PTCHD1: variants seen among roughly 807,000 people sequenced by gnomAD.
PTCHD1 encodes patched domain-containing protein 1.
A neutral mutation model predicts 34.6 loss-of-function variants in PTCHD1; 3 were observed. That is an observed-to-expected ratio of 0.09 (90% confidence interval 0.04 to 0.22). The LOEUF is 0.22. PTCHD1 is among the 10% of genes least tolerant of loss of function. The pLI, the probability that PTCHD1 is intolerant of heterozygous loss-of-function variation, is 1.00. For synonymous variants in PTCHD1, 305 were observed against 283.1 expected, an observed-to-expected ratio of 1.08 and a Z score of -0.77; for missense variants, 504 against 685.5, an observed-to-expected ratio of 0.74 and a Z score of 2.96.
intron 1 of PTCHD1, among the ~76,000 whole-genome samples, chrX:23,376,547 A>G (rs1331910678): frequency 8.9e-6 from 1 of 112,427 alleles, no homozygotes; most frequent in Admixed American, 9.4e-5. Flanking sequence ...GTAGATGTTC[A>G]GGTAGCATGC....
chrX:23,342,296 ATATATATATATATATTTTT>A (rs1169429589), intron 1 of PTCHD1, among the ~76,000 whole-genome samples: 24 of 13,131 alleles, frequency 1.8e-3, no homozygotes, highest in African/African-American at 9.0e-3. Context: ...ATATATATAT[ATATATATATATATATTTTT>A]TTTTTTTTTT....
chrX:23,377,016 C>T (rs1276048158), intron 1 of PTCHD1, among the ~76,000 whole-genome samples: 1 of 111,987 alleles, frequency 8.9e-6, no homozygotes, highest in African/African-American at 3.3e-5. Flanking sequence ...GTCCTGGGGT[C>T]ATAGCAGTAG....
rs1290048558 is a variant in PTCHD1 at position 23,361,801 on chromosome X, C to T, written c.352-17790C>T. The stretch of plus-strand genomic sequence containing the variant: ...AGTGGCTGGTACCGTTTGTTCCTTT[C>T]CATGTTTAGTGCTTCCTTCAGGAGC... On this transcript the variant is annotated intron_variant, in intron 1 of 2. Transcript: ENST00000379361. Among the ~76,000 whole-genome samples the T allele has an allele frequency of 2.7e-5, 3 of 112,005 alleles. No homozygotes were observed. In the East Asian group the frequency reaches 8.3e-4, roughly 31 times the overall value.
rs766523879 is a variant in PTCHD1 at position 23,393,123 on chromosome X, G to A, written c.1605G>A (p.Ala535=). ...GSDLSNIVAT[A]TQTIEYTTAQ... ...ACCTTAGTAACATTGTAGCAACCGCGACACAAACCATTGAGTACACTACTG... is the reference window on the plus strand; with the variant it reads ...ACCTTAGTAACATTGTAGCAACCGCAACACAAACCATTGAGTACACTACTG... Residue 535 remains alanine, a synonymous_variant, in exon 3 of 3, where the codon GCG becomes GCA. Transcript: ENST00000379361. 1.3e-5 allele frequency: 16 copies of A among 1,209,493 alleles called. No homozygotes were observed. The highest frequency in any genetic ancestry group is 1.3e-4 in the Admixed American group (6 of 45,758).
intron 1 of PTCHD1, among the ~76,000 whole-genome samples, chrX:23,365,872 A>G (rs2063865118): frequency 8.9e-6 from 1 of 112,453 alleles, no homozygotes; most frequent in African/African-American, 3.2e-5. Context: ...ACTTAAAGCA[A>G]TTGGCCAGGA....
At chrX:23,372,184 T>G (rs898213366) in intron 1 of PTCHD1, among the ~76,000 whole-genome samples, 2 of 110,171 alleles carry the variant, frequency 1.8e-5, no homozygotes, top group African/African-American at 3.3e-5. Flanking sequence ...TACTAGTGTT[T>G]TTTTTTTTTT....
At chrX:23,380,649 G>A (rs1922538574) in intron 2 of PTCHD1, among the ~76,000 whole-genome samples, 1 of 111,590 alleles carries the variant, frequency 9.0e-6, no homozygotes, top group Non-Finnish European at 1.9e-5. Flanking sequence ...GAAGTTGAAG[G>A]CACTTCAGTT....
intron 2 of PTCHD1, among the ~76,000 whole-genome samples, chrX:23,388,069 G>A (rs1922729717): frequency 9.0e-6 from 1 of 110,741 alleles, no homozygotes; most frequent in African/African-American, 3.3e-5. Context: ...GTGATATATA[G>A]TCTTTTTACC....
At chrX:23,345,015 G>A (rs1921438278) in intron 1 of PTCHD1, among the ~76,000 whole-genome samples, 1 of 112,269 alleles carries the variant, frequency 8.9e-6, no homozygotes, top group African/African-American at 3.2e-5. Flanking sequence ...AATTGCCAGA[G>A]ATCAGGAGCA....
chrX:23,348,788 A>G lies in PTCHD1; in HGVS notation c.351+13562A>G, dbSNP rs764826284. Among the ~76,000 whole-genome samples the G allele has an allele frequency of 9.8e-5, 11 of 112,340 alleles. No individual in the cohort carries two copies. In the South Asian group the frequency reaches 4.0e-3, roughly 41 times the overall value. ...GCAGTGTTGTCCCGCAAAAAGTGTT[A>G]TAAGAAGTTGTTTAAGAAAAAGGAA... On this transcript the variant is annotated intron_variant, in intron 1 of 2. Coordinates refer to ENST00000379361, the MANE Select transcript of PTCHD1 (RefSeq NM_173495.3).
chrX:23,393,861 C>T lies in PTCHD1; in HGVS notation c.2343C>T (p.Phe781=). 8.3e-7 allele frequency: 1 copy of T among 1,211,334 alleles called. No homozygotes were observed. Among genetic ancestry groups the T allele is most frequent in the Non-Finnish European group, 1.1e-6 (1 of 895,180 alleles). ...MLSTFVLGKD[F]TRTKWVKNAL... ...CCACATTTGTTCTGGGCAAGGATTT[C>T]ACAAGAACTAAATGGGTAAAAAATG... The change falls in exon 3 of 3, where the codon TTC becomes TTT. Residue 781 remains phenylalanine (F), a synonymous_variant. Coordinates refer to ENST00000379361, the MANE Select transcript of PTCHD1 (RefSeq NM_173495.3).
chrX:23,377,577 T>G lies in PTCHD1; in HGVS notation c.352-2014T>G, dbSNP rs186609862. ...GGCTGTGAAAATAGCCTCCTAGGGG[T>G]GTGTGTGTGTGTGTGTGTGTGTGTG... On this transcript the variant is annotated intron_variant, in intron 1 of 2. Coordinates refer to ENST00000379361, the MANE Select transcript of PTCHD1 (RefSeq NM_173495.3). 9.5e-4 allele frequency among the ~76,000 whole-genome samples: 72 copies of G among 76,109 alleles called. No homozygotes were observed. The South Asian group carries it at 0.025, about 27-fold the overall frequency. 66.1% of individuals were successfully genotyped at this position (76,109 alleles called of 115,157 possible). A position where few individuals can be genotyped will look rare whatever the true frequency, so the allele number is the denominator to read the frequency against.
chrX:23,335,169 C>G lies in PTCHD1; in HGVS notation c.294C>G (p.Val98=). 8.3e-7 allele frequency: 1 copy of G among 1,212,041 alleles called. No individual in the cohort carries two copies. The highest frequency in any genetic ancestry group is 3.0e-5 in the East Asian group (1 of 33,802). The part of the protein sequence containing the change: ...QTPGRYGRVI[V]TSFQKANMLD... Reference sequence around the variant, plus strand: ...CCGGGCGCTACGGCCGGGTCATCGTCACCTCCTTCCAGAAAGCCAACATGC... The same window carrying G: ...CCGGGCGCTACGGCCGGGTCATCGTGACCTCCTTCCAGAAAGCCAACATGC... The change falls in exon 1 of 3, where the codon GTC becomes GTG. Residue 98 remains valine, a synonymous_variant. Coordinates refer to ENST00000379361, the MANE Select transcript of PTCHD1 (RefSeq NM_173495.3).
chrX:23,392,883 A>G lies in PTCHD1; in HGVS notation c.1365A>G (p.Ala455=). ...CTGAGGCATTGCAGGAGAAGCCGGC[A>G]TGGTACAGGTTTCTCCTGACGGCCA... is the stretch of plus-strand genomic sequence containing the variant. ...PKPEALQEKP[A]WYRFLLTARF... Residue 455 remains alanine, a synonymous_variant, in exon 3 of 3, where the codon GCA becomes GCG. Coordinates refer to ENST00000379361, the MANE Select transcript of PTCHD1 (RefSeq NM_173495.3). 8.2e-7 allele frequency: 1 copy of G among 1,212,292 alleles called. No homozygotes were observed. The highest frequency in any genetic ancestry group is 1.1e-6 in the Non-Finnish European group (1 of 895,566).
chrX:23,340,202 G>A (rs1243653455), intron 1 of PTCHD1, among the ~76,000 whole-genome samples: 1 of 112,345 alleles, frequency 8.9e-6, no homozygotes, highest in African/African-American at 3.2e-5. Flanking sequence ...TATGTAAAAT[G>A]AAAAAATGCC....
rs779405289 is a variant in PTCHD1 at position 23,373,822 on chromosome X, A to G, written c.352-5769A>G. Among the ~76,000 whole-genome samples, 9 of 112,117 alleles carry G rather than the reference A, an allele frequency of 8.0e-5. No homozygotes were observed. In the Admixed American group the frequency reaches 8.5e-4, roughly 11 times the overall value. ...GCAGAATATAGACCCAGATCAAGAC[A>G]TGTAGTTTGGAGGGATTCAGTGAAG... On this transcript the variant is annotated intron_variant, in intron 1 of 2. Transcript: ENST00000379361.
chrX:23,392,074 C>CTTTCTTTTTTTTTTTTTT lies in PTCHD1; in HGVS notation c.1013-454_1013-453insCTTTTTTTTTTTTTTTTT, dbSNP rs367570857. ...TTCTTTCTTTTTTCTTTCTTTCTTTCTTTTTTTTTTTTTTTTTGAGAGATG... is the reference window on the plus strand; with the variant it reads ...TTCTTTCTTTTTTCTTTCTTTCTTTCTTTCTTTTTTTTTTTTTTTTTTTTTTTTTTTTTTTGAGAGATG... On this transcript the variant is annotated intron_variant, in intron 2 of 2. Coordinates refer to ENST00000379361, the MANE Select transcript of PTCHD1 (RefSeq NM_173495.3). 9.6e-5 allele frequency among the ~76,000 whole-genome samples: 5 copies of CTTTCTTTTTTTTTTTTTT among 52,355 alleles called. 1 individual carries two copies. The highest frequency in any genetic ancestry group is 6.3e-4 in the African/African-American group (5 of 7,964). The allele number at this position is 52,355 out of a possible 115,157, so 45.5% of individuals were successfully genotyped here.
chrX:23,380,492 T>C, intron 2 of PTCHD1, among the ~76,000 whole-genome samples: 1 of 111,625 alleles, frequency 9.0e-6, no homozygotes, highest in Middle Eastern at 4.6e-3. Flanking sequence ...AGCAGCCATG[T>C]GGTGTCTAGC....
intron 1 of PTCHD1, among the ~76,000 whole-genome samples, chrX:23,340,099 C>G (rs1978605707): frequency 2.7e-5 from 3 of 111,855 alleles, no homozygotes; most frequent in African/African-American, 9.8e-5. Context: ...ACAAAATTAC[C>G]CAGCCCCAAA....
Sources: allele counts gnomAD v4.1 joint callset (sites outside exome capture counted in the v4.1 genomes callset), GRCh38; gene constraint gnomAD v4.1.1; transcripts MANE v1.5; gene names NCBI Gene and HGNC (gene_info 2026-07-23, HGNC 2026-07-21).